The following TMEM91 variants were observed in gnomAD, a reference collection of about 807,000 sequenced individuals.
TMEM91 encodes the protein transmembrane protein 91.
TMEM91 carries 6 observed loss-of-function variants against 13.3 expected under a neutral mutation model. The ratio of observed to expected loss-of-function variants is 0.45; its 90% CI spans 0.25 to 0.89. The LOEUF is 0.89. Ranked by LOEUF, TMEM91 falls within the 40% of genes least tolerant of loss-of-function variation. The pLI is 0.19. For synonymous variants in TMEM91, 87 were observed against 101.7 expected, an observed-to-expected ratio of 0.86 and a Z score of 0.87; for missense variants, 193 against 228.7, an observed-to-expected ratio of 0.84 and a Z score of 1.01.
intron 2 of TMEM91, among the ~76,000 whole-genome samples, chr19:41,382,232 C>T (rs909167821): frequency 1.3e-5 from 2 of 152,152 alleles, no homozygotes; most frequent in African/African-American, 4.8e-5. Context: ...CCGTCAACCC[C>T]TTGAAAATGA....
At chr19:41,381,780 G>C (rs2038893809) in intron 2 of TMEM91, among the ~76,000 whole-genome samples, 1 of 151,904 alleles carries the variant, frequency 6.6e-6, no homozygotes, top group Non-Finnish European at 1.5e-5. Context: ...CCTAAGTGTT[G>C]GGATGACAGG....
At chr19:41,374,920 T>C (rs201203722), upstream of TMEM91, among the ~76,000 whole-genome samples, 9 of 151,724 alleles carry the variant, frequency 5.9e-5, no homozygotes, top group African/African-American at 1.9e-4. Context: ...GAGGCGGAGG[T>C]TGCGGTGAGC....
rs763314619 is a variant in TMEM91, at chr19:41,382,818, G to A, written c.257G>A (p.Arg86His). The change falls in exon 3 of 4, where the codon CGT (arginine) becomes CAT (histidine). Residue 86 changes from arginine (R) to histidine (H), a missense_variant. Transcript: ENST00000392002. ...DSDSDWDGGS[R>H]LSPFLPHDHL... ...GACTCGGACTGGGATGGAGGCAGCC[G>A]TCTTTCACCATTTCTACCCCACGAC... The A allele has an allele frequency of 6.8e-6, 11 of 1,614,076 alleles. No homozygotes were observed. In the East Asian group the frequency reaches 1.6e-4, roughly 23 times the overall value.
In TMEM91 at chr19:41,378,667, C is replaced by G. The variant is rs577216727; in HGVS notation, c.210+148C>G. 16 of 797,260 alleles carry G rather than the reference C, an allele frequency of 2.0e-5. No individual in the cohort carries two copies. In the Admixed American group the frequency reaches 2.9e-4, roughly 14 times the overall value. The allele number at this position is 797,260 out of a possible 1,614,324, so 49.4% of individuals were successfully genotyped here. A position where few individuals can be genotyped will look rare whatever the true frequency, so the allele number is the denominator to read the frequency against. The stretch of plus-strand genomic sequence containing the variant: ...GCTGTGTGTGGGCTTCTGAGATTTC[C>G]AGTTACGGTTCTTCTTGTTTTATGT... On this transcript the variant is annotated intron_variant, in intron 2 of 3. Transcript: ENST00000392002.
chr19:41,380,933 A>T (rs2038866144), intron 2 of TMEM91, among the ~76,000 whole-genome samples: 1 of 149,776 alleles, frequency 6.7e-6, no homozygotes, highest in African/African-American at 2.5e-5. Flanking sequence ...AAAAAAAAAA[A>T]AAATTAGCTG....
upstream of TMEM91, among the ~76,000 whole-genome samples, chr19:41,375,244 C>T (rs894205161): frequency 6.7e-6 from 1 of 149,600 alleles, no homozygotes; most frequent in Admixed American, 6.7e-5. Flanking sequence ...GCCAAGTGAG[C>T]ATGCAAGTGA....
upstream of TMEM91, among the ~76,000 whole-genome samples, chr19:41,375,297 T>TTTTTTTTTTTTTTTTTTTC (rs869066634): frequency 2.4e-4 from 27 of 113,258 alleles, 1 homozygote; most frequent in Non-Finnish European, 3.8e-4. Context: ...TTTTTTTTTT[T>TTTTTTTTTTTTTTTTTTTC]TGAGACGGAG....
At chr19:41,370,393 T>TTTTATTTTATTTATTTATTTATTTA (rs1555758242) in intron 1 of TMEM91, among the ~76,000 whole-genome samples, 2 of 143,058 alleles carry the variant, frequency 1.4e-5, no homozygotes, top group East Asian at 4.1e-4. Context: ...TTTATTTTTA[T>TTTTATTTTATTTATTTATTTATTTA]TTTATTTATT....
intron 2 of TMEM91, among the ~76,000 whole-genome samples, chr19:41,380,462 A>G (rs767615901): frequency 2.0e-5 from 3 of 152,152 alleles, no homozygotes; most frequent in Non-Finnish European, 4.4e-5. Flanking sequence ...TGGGAAGGAT[A>G]TCAAAGTCAC....
At chr19:41,364,952 G>A (rs1461471950) in intron 1 of TMEM91, among the ~76,000 whole-genome samples, 1 of 151,714 alleles carries the variant, frequency 6.6e-6, no homozygotes, top group Non-Finnish European at 1.5e-5. Flanking sequence ...ACAGCTCATT[G>A]CAGCCTCTTA....
intron 1 of TMEM91, among the ~76,000 whole-genome samples, chr19:41,371,358 C>CTTCCTTCT (rs1555758478): frequency 3.9e-4 from 57 of 146,516 alleles, no homozygotes; most frequent in African/African-American, 1.5e-3. Context: ...TCCTTCCTTC[C>CTTCCTTCT]TTCCTTCCTT....
At chr19:41,371,659 C>T (rs1042592504), upstream of TMEM91, among the ~76,000 whole-genome samples, 9 of 151,896 alleles carry the variant, frequency 5.9e-5, no homozygotes, top group East Asian at 1.4e-3. Flanking sequence ...ACCTCGTGAT[C>T]GGCCTGCCTC....
At chr19:41,375,884 G>A (rs1382795306), upstream of TMEM91, among the ~76,000 whole-genome samples, 1 of 151,926 alleles carries the variant, frequency 6.6e-6, no homozygotes, top group Admixed American at 6.6e-5. Flanking sequence ...CACTTTGGGA[G>A]GCTGAGGCGG....
At chr19:41,380,878 C>T (rs1009995513) in intron 2 of TMEM91, among the ~76,000 whole-genome samples, 10 of 142,842 alleles carry the variant, frequency 7.0e-5, no homozygotes, top group Middle Eastern at 3.6e-3. Flanking sequence ...CACGCCATTG[C>T]ACTCCAGCCT....
upstream of TMEM91, among the ~76,000 whole-genome samples, chr19:41,373,121 G>A (rs1487818442): frequency 2.6e-5 from 4 of 152,084 alleles, no homozygotes; most frequent in South Asian, 8.3e-4. Flanking sequence ...TTTATTTTTT[G>A]TAGAGACAAA....
chr19:41,366,349 A>G (rs1216173631), intron 1 of TMEM91, among the ~76,000 whole-genome samples: 2 of 151,712 alleles, frequency 1.3e-5, no homozygotes, highest in African/African-American at 2.4e-5. Context: ...CTTTTGAAAT[A>G]CACCCTAAAT....
chr19:41,383,728 G>A lies in TMEM91; in HGVS notation c.374G>A (p.Trp125Ter), dbSNP rs558264508. The change falls in exon 4 of 4, where the codon TGG (tryptophan) becomes TAG (stop). Residue 125 changes from tryptophan to a stop codon, truncating the protein, a stop_gained. Coordinates refer to ENST00000392002, the MANE Select transcript of TMEM91 (RefSeq NM_001098821.2). LOFTEE classifies it high-confidence loss of function. ...CTGCCTCTACAGACCAACAAGGCTT[G>A]GGCCAAGGGGGACATCCAGGGGGCA... Reference protein sequence around the residue: ...FCLAQKTNKAWAKGDIQGAGA... With the variant: ...FCLAQKTNKA The A allele has an allele frequency of 1.2e-5, 19 of 1,608,612 alleles. No individual in the cohort carries two copies. The highest frequency in any genetic ancestry group is 1.6e-4 in the Middle Eastern group (1 of 6,062).
chr19:41,380,089 T>G (rs970546472), intron 2 of TMEM91, among the ~76,000 whole-genome samples: 2 of 151,838 alleles, frequency 1.3e-5, no homozygotes, highest in Non-Finnish European at 2.9e-5. Context: ...GAGACAGGGT[T>G]TCACTATGTT....
In TMEM91 at chr19:41,382,937, GGACT is replaced by G; in HGVS notation, c.360+17_360+20del. The G allele has an allele frequency of 6.2e-7, 1 of 1,610,818 alleles. No homozygotes were observed. The highest frequency in any genetic ancestry group is 1.1e-5 in the South Asian group (1 of 90,774). On this transcript the variant is annotated intron_variant, in intron 3 of 3. Coordinates refer to ENST00000392002, the MANE Select transcript of TMEM91 (RefSeq NM_001098821.2). ...AGCCCAGAAGGTCAGTCTGTGTGTGGGACTTGGAGGGGACTGGGCATAAAAGAGA... is the reference window on the plus strand; with the variant it reads ...AGCCCAGAAGGTCAGTCTGTGTGTGGTGGAGGGGACTGGGCATAAAAGAGA...
Sources: allele counts gnomAD v4.1 joint callset (sites outside exome capture counted in the v4.1 genomes callset), GRCh38; gene constraint gnomAD v4.1.1; transcripts MANE v1.5; gene names NCBI Gene and HGNC (gene_info 2026-07-23, HGNC 2026-07-21).